The following TRHDE variants were observed in gnomAD, a reference collection of about 807,000 sequenced individuals.
TRHDE encodes the protein thyrotropin releasing hormone degrading enzyme.
TRHDE carries 72 observed loss-of-function variants against 125.7 expected under a neutral mutation model. The ratio of observed to expected loss-of-function variants is 0.57; its 90% CI spans 0.47 to 0.70. The LOEUF is 0.70. Ranked by LOEUF, TRHDE falls within the 30% of genes least tolerant of loss-of-function variation. The probability of loss-of-function intolerance (pLI) is 0.00; values close to 1 mark genes in which losing one functional copy is unlikely to be tolerated. For synonymous variants in TRHDE, 509 were observed against 509.1 expected, an observed-to-expected ratio of 1.00 and a Z score of 0.00; for missense variants, 1,110 against 1,327.1, an observed-to-expected ratio of 0.84 and a Z score of 2.54.
Position 72,618,936 on chromosome 12 carries a change from C to G in TRHDE, c.2367C>G (p.Tyr789Ter). The change falls in exon 13 of 19, where the codon TAC becomes TAG. Residue 789 changes from tyrosine to a stop codon, truncating the protein, a stop_gained. Coordinates refer to ENST00000261180, the MANE Select transcript of TRHDE (RefSeq NM_013381.3). LOFTEE classifies it high-confidence loss of function. ...ATATTCCTCTGGAGATTATCAGATA[C>G]CTGTCTGAGGAGAAGGATTTTCTTC... Reference protein sequence around the residue: ...PQNIPLEIIRYLSEEKDFLPW... With the variant: ...PQNIPLEIIR 2 of 1,587,158 alleles carry G rather than the reference C, an allele frequency of 1.3e-6. No individual in the cohort carries two copies. Among genetic ancestry groups the G allele is most frequent in the Non-Finnish European group, 1.7e-6 (2 of 1,165,882 alleles).
intron 3 of TRHDE, among the ~76,000 whole-genome samples, chr12:72,441,012 T>A (rs1874983701): frequency 6.6e-6 from 1 of 151,894 alleles, no homozygotes; most frequent in African/African-American, 2.4e-5. Context: ...TCATGTGTTA[T>A]GACTTTCTGA....
chr12:72,525,593 T>C (rs928205435), intron 6 of TRHDE, among the ~76,000 whole-genome samples: 10 of 138,804 alleles, frequency 7.2e-5, no homozygotes, highest in Non-Finnish European at 1.4e-4. Context: ...TCATGTTTTG[T>C]GTGTGGTTTG....
rs758942039 is a variant in TRHDE, at chr12:72,597,666, T to TAAAAA, written c.2322-21214_2322-21210dup. ...TTGGGTGCCAGAGCAAGACCTTGTC[T>TAAAAA]AAAAAAAAAAAAAAACTAAGAGAGG... On this transcript the variant is annotated intron_variant, in intron 12 of 18. Transcript: ENST00000261180. Among the ~76,000 whole-genome samples, 40 of 75,660 alleles carry TAAAAA rather than the reference T, an allele frequency of 5.3e-4. 4 individuals are homozygous for TAAAAA. Among genetic ancestry groups the TAAAAA allele is most frequent in the East Asian group, 2.2e-3 (6 of 2,668 alleles). 49.6% of individuals were successfully genotyped at this position (75,660 alleles called of 152,430 possible).
At chr12:72,501,600 AT>A (rs1304036666) in intron 6 of TRHDE, among the ~76,000 whole-genome samples, 7 of 152,128 alleles carry the variant, frequency 4.6e-5, no homozygotes, top group Admixed American at 3.9e-4. Context: ...TGCTAAAAAA[AT>A]GTTTAGAAAT....
chr12:72,598,188 AC>A (rs1872059874), intron 12 of TRHDE, among the ~76,000 whole-genome samples: 1 of 152,166 alleles, frequency 6.6e-6, no homozygotes, highest in African/African-American at 2.4e-5. Context: ...GTTAGAATCA[AC>A]ATTTTATTCA....
At chr12:72,604,618 A>G (rs1872353453) in intron 12 of TRHDE, among the ~76,000 whole-genome samples, 2 of 152,084 alleles carry the variant, frequency 1.3e-5, no homozygotes, top group African/African-American at 2.4e-5. Flanking sequence ...AACAAAATAT[A>G]AAATATTCTT....
intron 2 of TRHDE, among the ~76,000 whole-genome samples, chr12:72,135,012 C>A (rs75448915): frequency 0.035 from 5,379 of 151,592 alleles, 167 homozygotes; most frequent in African/African-American, 0.086. Context: ...AATTAGTCAT[C>A]ACAATATGCA....
intron 3 of TRHDE, among the ~76,000 whole-genome samples, chr12:72,447,388 G>A (rs530865831): frequency 3.9e-5 from 6 of 152,236 alleles, no homozygotes; most frequent in East Asian, 1.9e-4. Flanking sequence ...GAAATTTATA[G>A]CACTAAATGC....
chr12:72,498,058 T>C (rs1256505188), intron 5 of TRHDE, among the ~76,000 whole-genome samples: 2 of 152,168 alleles, frequency 1.3e-5, no homozygotes, highest in Non-Finnish European at 2.9e-5. Context: ...GTCATTACCA[T>C]ATAATCCTCT....
At chr12:72,087,832 T>C (rs747340086) in intron 1 of TRHDE, among the ~76,000 whole-genome samples, 1 of 152,104 alleles carries the variant, frequency 6.6e-6, no homozygotes, top group African/African-American at 2.4e-5. Flanking sequence ...CTATACCTAG[T>C]AGCAATCTGG....
chr12:72,187,166 T>C (rs938390354), intron 2 of TRHDE, among the ~76,000 whole-genome samples: 1 of 152,158 alleles, frequency 6.6e-6, no homozygotes, highest in Non-Finnish European at 1.5e-5. Flanking sequence ...GTTCATGAAG[T>C]GTTTTCCTTC....
At chr12:72,450,869 G>C (rs919481389) in intron 3 of TRHDE, among the ~76,000 whole-genome samples, 1 of 151,974 alleles carries the variant, frequency 6.6e-6, no homozygotes, top group Non-Finnish European at 1.5e-5. Context: ...ACTCATTGTG[G>C]TTCTCATTTG....
chr12:72,283,820 C>A (rs1357548323), intron 1 of TRHDE, among the ~76,000 whole-genome samples: 2 of 151,880 alleles, frequency 1.3e-5, no homozygotes, highest in Non-Finnish European at 2.9e-5. Context: ...CTAATTACAA[C>A]CTCTCTGTTG....
intron 5 of TRHDE, among the ~76,000 whole-genome samples, chr12:72,487,266 G>A (rs979061223): frequency 6.6e-6 from 1 of 152,136 alleles, no homozygotes; most frequent in Non-Finnish European, 1.5e-5. Flanking sequence ...AGTCTTGGAA[G>A]TGATATTGTC....
chr12:72,533,770 A>G (rs1422071538), intron 6 of TRHDE, among the ~76,000 whole-genome samples: 1 of 127,118 alleles, frequency 7.9e-6, no homozygotes, highest in African/African-American at 3.0e-5. Context: ...ATGTACATTC[A>G]TTTAATGGGA....
chr12:72,331,243 G>A (rs937235067), intron 2 of TRHDE, among the ~76,000 whole-genome samples: 5 of 152,196 alleles, frequency 3.3e-5, no homozygotes, highest in African/African-American at 1.2e-4. Context: ...GGATTTGAAT[G>A]TAAGTGTTGA....
chr12:72,453,451 A>G (rs1410406269), intron 3 of TRHDE, among the ~76,000 whole-genome samples: 4 of 152,184 alleles, frequency 2.6e-5, no homozygotes, highest in African/African-American at 9.6e-5. Context: ...ATAAGTTGGA[A>G]TTTATATTTA....
intron 13 of TRHDE, among the ~76,000 whole-genome samples, chr12:72,620,338 C>CAA (rs3080963): frequency 3.8e-3 from 257 of 67,244 alleles, no homozygotes; most frequent in East Asian, 0.017. Flanking sequence ...CCCATCTCTA[C>CAA]AAAAAAAAAA....
chr12:72,665,324 A>G lies in TRHDE; in HGVS notation c.*2129A>G, dbSNP rs1875075410. 6.6e-6 allele frequency: 1 copy of G among 152,486 alleles called. No homozygotes were observed. The highest frequency in any genetic ancestry group is 1.5e-5 in the Non-Finnish European group (1 of 67,966). The allele number at this position is 152,486 out of a possible 1,614,324, so 9.4% of individuals were successfully genotyped here. ...ATTTTCCTCCTCACTGTTAATAATC[A>G]TAATCCTTTTTCAGTATTTTAGTGG... On this transcript the variant is annotated 3_prime_UTR_variant, in exon 19 of 19. Coordinates refer to ENST00000261180, the MANE Select transcript of TRHDE (RefSeq NM_013381.3).
Sources: gnomAD v4.1 joint callset for allele counts (sites outside exome capture counted in the v4.1 genomes callset) on GRCh38, gnomAD v4.1.1 for gene constraint, MANE v1.5 for transcripts, NCBI Gene and HGNC (gene_info 2026-07-23, HGNC 2026-07-21) for gene names.